The following SUGT1 variants were observed in gnomAD, a reference collection of about 807,000 sequenced individuals.
SUGT1 encodes SGT1 assembly cochaperone of MIS12 kinetochore complex.
In SUGT1, 15 loss-of-function variants were observed where a neutral mutation model predicts 56.1. The observed-to-expected ratio is 0.27, with a 90% confidence interval of 0.18 to 0.41. The LOEUF is 0.41. SUGT1 is among the 10% of genes least tolerant of loss of function. The probability of loss-of-function intolerance (pLI) is 1.00; values close to 1 mark genes in which losing one functional copy is unlikely to be tolerated. For synonymous variants in SUGT1, 123 were observed against 128.6 expected (o/e 0.96, Z 0.30); for missense variants, 347 against 382.2 (o/e 0.91, Z 0.77).
chr13:52,659,112 T>C (rs931343772), intron 4 of SUGT1, 67 bp from the exon 5 acceptor site: 2 of 1,304,374 alleles, frequency 1.5e-6, no homozygotes, highest in African/African-American at 3.1e-5. Context: ...CTAAGTTTTT[T>C]ATTTAGAAAG....
At position 52,697,893 on chromosome 13, in the gene SUGT1, G is replaced by C. The variant is rs954510831; in HGVS notation, c.*10058G>C. Reference sequence around the variant, plus strand: ...TCCCTGCCTTCATGGAGCTTAGCTTGTGGTGGTGGAAAGAAGCCCTCAGCC... The same window carrying C: ...TCCCTGCCTTCATGGAGCTTAGCTTCTGGTGGTGGAAAGAAGCCCTCAGCC... On this transcript the variant is annotated 3_prime_UTR_variant, in exon 13 of 13. Transcript: ENST00000310528. 1 of 152,194 alleles carries C rather than the reference G, an allele frequency of 6.6e-6. No homozygotes were observed. Among genetic ancestry groups the C allele is most frequent in the Non-Finnish European group, 1.5e-5 (1 of 68,054 alleles). 9.4% of individuals were successfully genotyped at this position (152,194 alleles called of 1,614,324 possible).
At position 52,666,131 on chromosome 13, in the gene SUGT1, G is replaced by C. The variant is rs1011763290; in HGVS notation, c.519+398G>C. ...GAGACAGAGTCTCGCTCTTGCGTAG[G>C]CTGGAGTGCAGTGGCGCAATTTCGG... is the stretch of plus-strand genomic sequence containing the variant. On this transcript the variant is annotated intron_variant, in intron 9 of 12. Coordinates refer to ENST00000310528, the MANE Select transcript of SUGT1 (RefSeq NM_006704.5). Among the ~76,000 whole-genome samples the C allele has an allele frequency of 7.9e-5, 12 of 152,166 alleles. No homozygotes were observed. In the East Asian group the frequency reaches 2.1e-3, roughly 27 times the overall value.
rs57702146 is a variant in SUGT1, at chr13:52,687,068, CAAAAAAA to C, written c.901-648_901-642del. 24 of 64,856 alleles carry C rather than the reference CAAAAAAA, an allele frequency of 3.7e-4. No individual in the cohort carries two copies. In the Admixed American group the frequency reaches 5.8e-3, roughly 16 times the overall value. The allele number at this position is 64,856 out of a possible 1,614,324, so 4.0% of individuals were successfully genotyped here. A position where few individuals can be genotyped will look rare whatever the true frequency, so the allele number is the denominator to read the frequency against. On this transcript the variant is annotated intron_variant, in intron 12 of 12. Transcript: ENST00000310528. ...CCTGGGCAATGAGTGAACTCCGTCT[CAAAAAAA>C]AAAAAAAAAAAAAAAAAGAAATGTC...
At chr13:52,676,876 C>A (rs532906508) in intron 11 of SUGT1, among the ~76,000 whole-genome samples, 57 of 152,268 alleles carry the variant, frequency 3.7e-4, no homozygotes, top group African/African-American at 1.3e-3. Context: ...ATATATAACC[C>A]TGTAAGAAAC....
chr13:52,668,278 C>T (rs576923796), intron 10 of SUGT1, among the ~76,000 whole-genome samples: 3 of 152,154 alleles, frequency 2.0e-5, no homozygotes, highest in Non-Finnish European at 4.4e-5. Context: ...CTGCACCTGG[C>T]CTATTACTCC....
In SUGT1 at chr13:52,652,858, C is replaced by T. The variant is rs1594223173; in HGVS notation, c.-63C>T. ...TTTCTCCAGAAGTTTCCCCCTTGGG[C>T]GGTGGTGGAGGTGGTAACCGTGATA... On this transcript the variant is annotated 5_prime_UTR_variant, in exon 1 of 13. Transcript: ENST00000310528. 3 of 1,583,638 alleles carry T rather than the reference C, an allele frequency of 1.9e-6. No homozygotes were observed. The highest frequency in any genetic ancestry group is 2.3e-5 in the South Asian group (2 of 88,424).
chr13:52,679,878 G>A, intron 11 of SUGT1, 96 bp from the exon 12 acceptor site: 2 of 1,211,848 alleles, frequency 1.7e-6, no homozygotes, highest in Non-Finnish European at 2.2e-6. Context: ...TAAACTGTTT[G>A]CTAAGATGTT....
At chr13:52,671,804 C>T (rs1566187487) in intron 10 of SUGT1, among the ~76,000 whole-genome samples, 1 of 152,160 alleles carries the variant, frequency 6.6e-6, no homozygotes, top group Admixed American at 6.5e-5. Context: ...GGTCATATAT[C>T]TAACCAATGG....
chr13:52,653,505 C>T lies in SUGT1; in HGVS notation c.96+402C>T, dbSNP rs534173668. ...GTAAAAGTGTCGGTATGAAGTCAGT[C>T]TACTGGAGCAAAACCCTTTTCCCTC... On this transcript the variant is annotated intron_variant, in intron 2 of 12. Coordinates refer to ENST00000310528, the MANE Select transcript of SUGT1 (RefSeq NM_006704.5). 3.3e-5 allele frequency among the ~76,000 whole-genome samples: 5 copies of T among 152,274 alleles called. No homozygotes were observed. In the South Asian group the frequency reaches 1.0e-3, roughly 32 times the overall value.
At chr13:52,677,986 G>T (rs1963216611) in intron 11 of SUGT1, among the ~76,000 whole-genome samples, 1 of 152,110 alleles carries the variant, frequency 6.6e-6, no homozygotes, top group African/African-American at 2.4e-5. Context: ...GTTTTTGTAA[G>T]AAATTAATAT....
At chr13:52,678,880 A>G (rs1322720527) in intron 11 of SUGT1, among the ~76,000 whole-genome samples, 1 of 151,552 alleles carries the variant, frequency 6.6e-6, no homozygotes, top group Non-Finnish European at 1.5e-5. Flanking sequence ...ATGGGCTCTC[A>G]CTATGTTGCC....
At chr13:52,662,376 A>G (rs577519357) in intron 5 of SUGT1, among the ~76,000 whole-genome samples, 1 of 152,342 alleles carries the variant, frequency 6.6e-6, no homozygotes, top group South Asian at 2.1e-4. Context: ...ATTGGGGGAA[A>G]TGCAGATTAT....
At chr13:52,656,957 T>A (rs1962195537) in intron 2 of SUGT1, among the ~76,000 whole-genome samples, 1 of 152,230 alleles carries the variant, frequency 6.6e-6, no homozygotes. Context: ...TCTTGGTAGT[T>A]GACATAGCCA....
rs747941375 is a variant in SUGT1 at position 52,687,857 on chromosome 13, G to A, written c.*22G>A. On this transcript the variant is annotated 3_prime_UTR_variant, in exon 13 of 13. Transcript: ENST00000310528. The stretch of plus-strand genomic sequence containing the variant: ...CTAAATAAATTAATTTGCTCTCATC[G>A]TATTGTGTATATTCACCTAATGCCC... 2.1e-5 allele frequency: 31 copies of A among 1,508,746 alleles called. No homozygotes were observed. In the East Asian group the frequency reaches 5.6e-4, roughly 27 times the overall value. 93.5% of individuals were successfully genotyped at this position (1,508,746 alleles called of 1,614,324 possible).
chr13:52,658,701 T>G (rs939328317), intron 4 of SUGT1, among the ~76,000 whole-genome samples: 40 of 151,624 alleles, frequency 2.6e-4, no homozygotes, highest in Non-Finnish European at 4.0e-4. Flanking sequence ...ATTGAAGTAT[T>G]TGCAAGGTAT....
intron 12 of SUGT1, among the ~76,000 whole-genome samples, chr13:52,681,755 A>AG (rs2138167850): frequency 6.6e-6 from 1 of 151,630 alleles, no homozygotes; most frequent in South Asian, 2.1e-4. Flanking sequence ...GTATTGTTTG[A>AG]GCCCAGGAGT....
chr13:52,700,007 GAA>G lies in SUGT1; in HGVS notation c.*12173_*12174del, dbSNP rs1420525136. ...CAGTTCTAAGAATTTGGTGTGAAAAGAATGTTTGCAAAGGAGCAGGCACAAAG... is the reference window on the plus strand; with the variant it reads ...CAGTTCTAAGAATTTGGTGTGAAAAGTGTTTGCAAAGGAGCAGGCACAAAG... On this transcript the variant is annotated 3_prime_UTR_variant, in exon 13 of 13. Transcript: ENST00000310528. The G allele has an allele frequency of 6.6e-6, 1 of 152,156 alleles. No individual in the cohort carries two copies. Among genetic ancestry groups the G allele is most frequent in the Non-Finnish European group, 1.5e-5 (1 of 68,014 alleles). The allele number at this position is 152,156 out of a possible 1,614,324, so 9.4% of individuals were successfully genotyped here.
At chr13:52,685,521 T>C (rs1459165335) in intron 12 of SUGT1, among the ~76,000 whole-genome samples, 1 of 152,164 alleles carries the variant, frequency 6.6e-6, no homozygotes, top group Non-Finnish European at 1.5e-5. Context: ...CTTTCTACTT[T>C]TAAAAGTGTG....
intron 10 of SUGT1, among the ~76,000 whole-genome samples, chr13:52,668,382 C>T (rs1036595236): frequency 3.3e-5 from 5 of 152,022 alleles, no homozygotes; most frequent in Non-Finnish European, 5.9e-5. Context: ...GGAACAGGAT[C>T]GGGGTTGGCC....
Sources: allele counts gnomAD v4.1 joint callset (sites outside exome capture counted in the v4.1 genomes callset), GRCh38; gene constraint gnomAD v4.1.1; transcripts MANE v1.5; gene names NCBI Gene and HGNC (gene_info 2026-07-23, HGNC 2026-07-21).